NINJ2: variants seen among roughly 807,000 people sequenced by gnomAD.
NINJ2 encodes ninjurin-2.
In NINJ2, 12 loss-of-function variants were observed where a neutral mutation model predicts 11.7. The ratio of observed to expected loss-of-function variants is 1.02; its 90% CI spans 0.66 to 1.66. The LOEUF is 1.66. Among genes scored for constraint, NINJ2 ranks in the 40% most tolerant of loss-of-function variants. NINJ2 has a pLI of 0.00. For synonymous variants in NINJ2, 93 were observed against 76.8 expected, an observed-to-expected ratio of 1.21 and a Z score of -1.10; for missense variants, 187 against 181.8, an observed-to-expected ratio of 1.03 and a Z score of -0.16.
Position 565,942 on chromosome 12 carries a change from C to T in NINJ2, c.262+8G>A, listed in dbSNP as rs768926889. On this transcript the variant is annotated splice_region_variant and intron_variant, in intron 2 of 3. Transcript: ENST00000305108. ...GCAGAAGGTCTGACTGCAGGCTGGG[C>T]TCCTCACCAATGACCACGAGCAGGA... 1 of 1,613,004 alleles carries T rather than the reference C, an allele frequency of 6.2e-7. No individual in the cohort carries two copies. The highest frequency in any genetic ancestry group is 8.5e-7 in the Non-Finnish European group (1 of 1,178,944).
At position 585,969 on chromosome 12, in the gene NINJ2, C is replaced by A. The variant is rs1206156246; in HGVS notation, c.34-19791G>T. The A allele has an allele frequency of 6.6e-6, 1 of 152,080 alleles. No individual in the cohort carries two copies. The highest frequency in any genetic ancestry group is 1.9e-4 in the East Asian group (1 of 5,178). The allele number at this position is 152,080 out of a possible 1,614,324, so 9.4% of individuals were successfully genotyped here. A position where few individuals can be genotyped will look rare whatever the true frequency, so the allele number is the denominator to read the frequency against. On this transcript the variant is annotated intron_variant, in intron 1 of 3. Coordinates refer to ENST00000305108, the MANE Select transcript of NINJ2 (RefSeq NM_016533.6). This position sits in a 1 kb window ranked among gnomAD's most constrained non-coding sequence, Gnocchi z 4.1. ...TCTTCTGGTAATCACAGAAGCTCTG[C>A]GCTGGGAACCAGTACCCTAACAGAG...
At position 645,106 on chromosome 12, in the gene NINJ2, C is replaced by T. The variant is rs116755898; in HGVS notation, c.33+18222G>A. The T allele has an allele frequency of 9.2e-4, 140 of 152,296 alleles. 1 individual carries two copies. Among genetic ancestry groups the T allele is most frequent in the African/African-American group, 3.3e-3 (136 of 41,550 alleles). 9.4% of individuals were successfully genotyped at this position (152,296 alleles called of 1,614,324 possible). A position where few individuals can be genotyped will look rare whatever the true frequency, so the allele number is the denominator to read the frequency against. ...ATATAACCCAATTATTCTTTGATTC[C>T]TGCATCCCCAATCTGACTCAGCATT... On this transcript the variant is annotated intron_variant, in intron 1 of 3. Transcript: ENST00000305108.
Position 633,405 on chromosome 12 carries a change from G to A in NINJ2, c.33+29923C>T, listed in dbSNP as rs1335818946. Among the ~76,000 whole-genome samples, 1 of 152,146 alleles carries A rather than the reference G, an allele frequency of 6.6e-6. No individual in the cohort carries two copies. The highest frequency in any genetic ancestry group is 1.9e-4 in the East Asian group (1 of 5,182). Reference sequence around the variant, plus strand: ...CCCAGCTACCCGGGTTGCTGAGGCAGGCGAATCACTGGTTCCACCAGGAGG... The same window carrying A: ...CCCAGCTACCCGGGTTGCTGAGGCAAGCGAATCACTGGTTCCACCAGGAGG... On this transcript the variant is annotated intron_variant, in intron 1 of 3. Coordinates refer to ENST00000305108, the MANE Select transcript of NINJ2 (RefSeq NM_016533.6). The surrounding 1 kb of genome is among the most constrained non-coding windows in gnomAD (Gnocchi z 4.3).
intron 1 of NINJ2, among the ~76,000 whole-genome samples, chr12:597,388 A>G (rs1947802318): frequency 6.6e-6 from 1 of 152,252 alleles, no homozygotes; most frequent in Non-Finnish European, 1.5e-5. Flanking sequence ...TGCTATTATT[A>G]TACGTTTTCT....
At chr12:626,554 G>A (rs191214569) in intron 1 of NINJ2, among the ~76,000 whole-genome samples, 1 of 152,168 alleles carries the variant, frequency 6.6e-6, no homozygotes, top group Admixed American at 6.5e-5. Context: ...AGTGCCACAG[G>A]GCCCTCCAGG....
In NINJ2 at chr12:594,629, T is replaced by C. The variant is rs74381602; in HGVS notation, c.34-28451A>G. Among the ~76,000 whole-genome samples, 991 of 151,950 alleles carry C rather than the reference T, an allele frequency of 6.5e-3. 5 individuals carry two copies. Among genetic ancestry groups the C allele is most frequent in the African/African-American group, 0.023 (945 of 41,424 alleles). On this transcript the variant is annotated intron_variant, in intron 1 of 3. Coordinates refer to ENST00000305108, the MANE Select transcript of NINJ2 (RefSeq NM_016533.6). ...ATAGCAAGATCCCATCTCAATTTTT[T>C]TTAAAAAACAAAAACAAAACAAAAA...
At chr12:610,942 C>T (rs1337620375) in intron 1 of NINJ2, among the ~76,000 whole-genome samples, 28 of 151,970 alleles carry the variant, frequency 1.8e-4, no homozygotes, top group Non-Finnish European at 1.5e-5. Context: ...ACCATGTTGG[C>T]CAGGCTGGTC....
At chr12:595,354 C>T (rs1029878059) in intron 1 of NINJ2, among the ~76,000 whole-genome samples, 3 of 152,176 alleles carry the variant, frequency 2.0e-5, no homozygotes, top group African/African-American at 4.8e-5. Context: ...TTATATACAA[C>T]ACTAAATGCA....
At chr12:567,100 AG>A (rs1182150721) in intron 1 of NINJ2, among the ~76,000 whole-genome samples, 1 of 152,244 alleles carries the variant, frequency 6.6e-6, no homozygotes, top group Non-Finnish European at 1.5e-5. Flanking sequence ...ATTTAGGATC[AG>A]GGTGAAAAGG....
chr12:641,276 G>T (rs1948413481), intron 1 of NINJ2, among the ~76,000 whole-genome samples: 1 of 152,146 alleles, frequency 6.6e-6, no homozygotes. Context: ...TGGCTGCACT[G>T]AGTTGCCCCT....
rs1051272209 is a variant in NINJ2 at position 628,355 on chromosome 12, A to G, written c.33+34973T>C. On this transcript the variant is annotated intron_variant, in intron 1 of 3. Coordinates refer to ENST00000305108, the MANE Select transcript of NINJ2 (RefSeq NM_016533.6). The surrounding 1 kb of genome is among the most constrained non-coding windows in gnomAD (Gnocchi z 4.4). ...AGAGATCTCAGAGTACATAGGAAGG[A>G]GCCAGGTCTTTCCGTTCTTCTGCGT... 4.6e-5 allele frequency among the ~76,000 whole-genome samples: 7 copies of G among 152,090 alleles called. No individual in the cohort carries two copies. The highest frequency in any genetic ancestry group is 7.4e-5 in the Non-Finnish European group (5 of 67,990).
chr12:575,849 C>A (rs765615657), intron 1 of NINJ2, among the ~76,000 whole-genome samples: 1 of 152,170 alleles, frequency 6.6e-6, no homozygotes, highest in Non-Finnish European at 1.5e-5. Context: ...TTAAACACCC[C>A]CACTGCAGGG....
At chr12:630,405 C>T (rs1357421379) in intron 1 of NINJ2, among the ~76,000 whole-genome samples, 1 of 151,958 alleles carries the variant, frequency 6.6e-6, no homozygotes, top group African/African-American at 2.4e-5. Context: ...GACGGAGTCT[C>T]GCTGAGTTGC....
chr12:570,253 T>C (rs1288691383), intron 1 of NINJ2, among the ~76,000 whole-genome samples: 1 of 152,196 alleles, frequency 6.6e-6, no homozygotes, highest in African/African-American at 2.4e-5. Flanking sequence ...CGAAGGTGCC[T>C]GGAAAGGGGT....
At chr12:577,418 TATATATATATAC>T (rs1947475367) in intron 1 of NINJ2, among the ~76,000 whole-genome samples, 1 of 124,028 alleles carries the variant, frequency 8.1e-6, no homozygotes, top group Admixed American at 8.2e-5. Context: ...ACTAGTCTCA[TATATATATATAC>T]ATATATATAT....
intron 1 of NINJ2, among the ~76,000 whole-genome samples, chr12:616,003 A>G (rs577163988): frequency 7.9e-5 from 12 of 152,376 alleles, no homozygotes; most frequent in African/African-American, 2.6e-4. Context: ...TGCAGAAAGC[A>G]GTACTTGTAA....
At position 565,953 on chromosome 12, in the gene NINJ2, T is replaced by C. The variant is rs1947292462; in HGVS notation, c.259A>G (p.Ile87Val). ...QVVIGVLLVV[I>V]ARLNLNEVEK... ...GACTGCAGGCTGGGCTCCTCACCAA[T>C]GACCACGAGCAGGACACCGATGACC... The change falls in exon 2 of 4, where the codon ATT becomes GTT. Residue 87 changes from isoleucine (I) to valine (V), a missense_variant. By Grantham distance (29) the Ile-to-Val change is conservative. Transcript: ENST00000305108. 1 of 1,614,076 alleles carries C rather than the reference T, an allele frequency of 6.2e-7. No homozygotes were observed. The highest frequency in any genetic ancestry group is 8.5e-7 in the Non-Finnish European group (1 of 1,179,920).
chr12:627,844 T>C (rs887172866), intron 1 of NINJ2, among the ~76,000 whole-genome samples: 1 of 152,182 alleles, frequency 6.6e-6, no homozygotes, highest in Admixed American at 6.5e-5. Flanking sequence ...CTTGCGTGCC[T>C]GAGGCAGGAG....
chr12:600,075 G>A (rs73596235), intron 1 of NINJ2, among the ~76,000 whole-genome samples: 393 of 152,264 alleles, frequency 2.6e-3, no homozygotes, highest in African/African-American at 3.2e-3. Context: ...TACTCCTTCC[G>A]AACGCCTGAG....
Sources: allele counts gnomAD v4.1 joint callset (sites outside exome capture counted in the v4.1 genomes callset), GRCh38; gene constraint gnomAD v4.1.1; non-coding constraint Gnocchi (gnomAD v3.1); transcripts MANE v1.5; gene names NCBI Gene and HGNC (gene_info 2026-07-23, HGNC 2026-07-21).